The following EML6 variants were observed in gnomAD, a reference collection of about 807,000 sequenced individuals.
EML6 encodes echinoderm microtubule-associated protein-like 6.
In EML6, 154 loss-of-function variants were observed where a neutral mutation model predicts 240.1. The observed-to-expected ratio is 0.64, with a 90% CI of 0.56 to 0.73. The LOEUF (loss-of-function observed/expected upper bound fraction) is 0.73, where lower values mean the gene tolerates loss of function less well. EML6 is among the 30% of genes least tolerant of loss of function. The pLI, the probability that EML6 is intolerant of heterozygous loss-of-function variation, is 0.00. For missense variants in EML6, 2,964 were observed against 2,474.6 expected (o/e 1.20, Z -4.20); for synonymous variants, 1,148 against 899.0 (o/e 1.28, Z -4.95).
chr2:54,744,928 A>G (rs377518453), intron 2 of EML6, among the ~76,000 whole-genome samples: 1 of 113,476 alleles, frequency 8.8e-6, no homozygotes. Flanking sequence ...ACACACACAC[A>G]CACACACACA....
intron 2 of EML6, among the ~76,000 whole-genome samples, chr2:54,732,729 G>A (rs186339879): frequency 6.6e-6 from 1 of 152,268 alleles, no homozygotes; most frequent in Admixed American, 6.5e-5. Flanking sequence ...TTCTGTATTT[G>A]TAAAGATGCT....
chr2:54,971,881 T>A lies in EML6; in HGVS notation c.*1786T>A, dbSNP rs1558740560. ...CTTATTTGTAAACGTTTATATGGTA[T>A]GATTTTGATTTTATGTATGTTCATA... is the stretch of plus-strand genomic sequence containing the variant. On this transcript the variant is annotated 3_prime_UTR_variant, in exon 42 of 42. Coordinates refer to ENST00000356458, the MANE Select transcript of EML6 (RefSeq NM_001039753.4). 6.6e-6 allele frequency: 1 copy of A among 152,264 alleles called. No individual in the cohort carries two copies. The highest frequency in any genetic ancestry group is 1.5e-5 in the Non-Finnish European group (1 of 68,036). 9.4% of individuals were successfully genotyped at this position (152,264 alleles called of 1,614,324 possible). A position where few individuals can be genotyped will look rare whatever the true frequency, so the allele number is the denominator to read the frequency against.
chr2:54,924,601 G>A (rs753535338), intron 26 of EML6, among the ~76,000 whole-genome samples: 28 of 151,988 alleles, frequency 1.8e-4, no homozygotes, highest in African/African-American at 3.4e-4. Flanking sequence ...TGCTCTTGTT[G>A]CCCAGGCTGC....
chr2:54,917,699 CATT>C (rs1195635868), intron 26 of EML6, among the ~76,000 whole-genome samples: 2 of 152,182 alleles, frequency 1.3e-5, no homozygotes, highest in African/African-American at 4.8e-5. Flanking sequence ...TCTGAACCAT[CATT>C]AAACCATTCC....
At chr2:54,948,180 C>A (rs1675784896) in intron 28 of EML6, among the ~76,000 whole-genome samples, 1 of 152,174 alleles carries the variant, frequency 6.6e-6, no homozygotes. Context: ...TTAGGGCTTA[C>A]ACATTATAAA....
chr2:54,934,911 C>G (rs776208822), intron 28 of EML6, among the ~76,000 whole-genome samples: 3 of 152,180 alleles, frequency 2.0e-5, no homozygotes, highest in Non-Finnish European at 4.4e-5. Context: ...AAAGATATAT[C>G]AATTAAACAA....
chr2:54,913,706 G>A (rs1408874459), intron 25 of EML6, among the ~76,000 whole-genome samples: 1 of 152,128 alleles, frequency 6.6e-6, no homozygotes, highest in East Asian at 1.9e-4. Context: ...AATTGCTTTT[G>A]AGGACTTAGT....
chr2:54,765,688 C>T (rs112888983), intron 2 of EML6, among the ~76,000 whole-genome samples: 1 of 152,120 alleles, frequency 6.6e-6, no homozygotes, highest in East Asian at 1.9e-4. Context: ...TCTCGATCTC[C>T]TGACCTCGTG....
chr2:54,932,349 T>C (rs1674907457), intron 28 of EML6, among the ~76,000 whole-genome samples: 1 of 152,192 alleles, frequency 6.6e-6, no homozygotes, highest in Non-Finnish European at 1.5e-5. Flanking sequence ...AGGAAAGTCA[T>C]GAAGTCTTTT....
chr2:54,959,455 G>C (rs1025146103), intron 34 of EML6, among the ~76,000 whole-genome samples, 194 bp downstream of exon 34: 1 of 152,086 alleles, frequency 6.6e-6, no homozygotes, highest in African/African-American at 2.4e-5. Flanking sequence ...GTGCAGAGGT[G>C]GTTTGATGAT....
At chr2:54,844,762 A>G (rs1366551343) in intron 8 of EML6, among the ~76,000 whole-genome samples, 1 of 152,192 alleles carries the variant, frequency 6.6e-6, no homozygotes, top group East Asian at 1.9e-4. Flanking sequence ...GGCCTGAGAA[A>G]GTAGTTTACT....
At chr2:54,806,191 C>T (rs1670467242) in intron 2 of EML6, among the ~76,000 whole-genome samples, 1 of 152,110 alleles carries the variant, frequency 6.6e-6, no homozygotes, top group African/African-American at 2.4e-5. Context: ...AGGGAGGCAT[C>T]TTCAGATAAC....
chr2:54,805,421 A>G (rs66921272), intron 2 of EML6, among the ~76,000 whole-genome samples: 31,929 of 152,126 alleles, frequency 0.21, 3,651 homozygotes, highest in Middle Eastern at 0.35. Flanking sequence ...CCTATTAGCA[A>G]TATATATGCA....
At chr2:54,869,657 C>G (rs191397080) in intron 15 of EML6, among the ~76,000 whole-genome samples, 1 of 152,242 alleles carries the variant, frequency 6.6e-6, no homozygotes, top group Non-Finnish European at 1.5e-5. Context: ...TTATATACTT[C>G]CTCGCTGTAT....
chr2:54,781,275 G>T (rs1341453626), intron 2 of EML6, among the ~76,000 whole-genome samples: 1 of 152,170 alleles, frequency 6.6e-6, no homozygotes. Context: ...TGATAGATTT[G>T]CAAGGAGCCA....
At position 54,962,546 on chromosome 2, in the gene EML6, A is replaced by T. The variant is rs899446703; in HGVS notation, c.4992A>T (p.Lys1664Asn). The T allele has an allele frequency of 6.5e-7, 1 of 1,547,836 alleles. No individual in the cohort carries two copies. The highest frequency in any genetic ancestry group is 1.4e-5 in the African/African-American group (1 of 73,032). The change falls in exon 36 of 42, where the codon AAA (lysine) becomes AAT (asparagine). Residue 1664 changes from lysine (K) to asparagine (N), a missense_variant. Physicochemically the swap from Lys to Asn is moderately conservative, Grantham distance 94. Transcript: ENST00000356458. Reference sequence around the variant, plus strand: ...AGGGAAAAATCTTAGTGGGAACCAAAGACGGAGAAATAATTGAAGTTGGTG... The same window carrying T: ...AGGGAAAAATCTTAGTGGGAACCAATGACGGAGAAATAATTGAAGTTGGTG... ...RGKGKILVGT[K>N]DGEIIEVGEK...
intron 2 of EML6, among the ~76,000 whole-genome samples, chr2:54,799,109 G>A (rs1369897212): frequency 6.6e-6 from 1 of 152,148 alleles, no homozygotes; most frequent in Non-Finnish European, 1.5e-5. Flanking sequence ...CTCCCAGGCT[G>A]GAGTGCAGTG....
At chr2:54,867,319 AC>A (rs1478771025) in intron 14 of EML6, 1 of 153,424 alleles carries the variant, frequency 6.5e-6, no homozygotes, top group Non-Finnish European at 1.5e-5. Context: ...AATTATATGC[AC>A]CCTTGCATAT....
chr2:54,768,154 C>G (rs1558535285), intron 2 of EML6, among the ~76,000 whole-genome samples: 1 of 152,126 alleles, frequency 6.6e-6, no homozygotes, highest in East Asian at 1.9e-4. Flanking sequence ...TAGTTCTAAA[C>G]AGATCAGAAA....
Sources: allele counts gnomAD v4.1 joint callset (sites outside exome capture counted in the v4.1 genomes callset), GRCh38; gene constraint gnomAD v4.1.1; transcripts MANE v1.5; gene names NCBI Gene and HGNC (gene_info 2026-07-23, HGNC 2026-07-21).